RNF13: variants seen among roughly 807,000 people sequenced by gnomAD.
RNF13 encodes the protein ring finger protein 13, also known as E3 ubiquitin-protein ligase RNF13.
In RNF13, 19 loss-of-function variants were observed where a neutral mutation model predicts 37.7. That is an observed-to-expected ratio of 0.50 (90% confidence interval 0.35 to 0.74). RNF13 has a LOEUF of 0.74. RNF13 is among the 30% of genes least tolerant of loss of function. RNF13 has a pLI of 0.01. For missense variants in RNF13, 375 were observed against 453.0 expected (o/e 0.83, Z 1.56); for synonymous variants, 144 against 157.8 (o/e 0.91, Z 0.65).
At chr3:149,858,463 G>A (rs776883897) in intron 3 of RNF13, among the ~76,000 whole-genome samples, 2 of 152,146 alleles carry the variant, frequency 1.3e-5, no homozygotes, top group South Asian at 4.1e-4. Context: ...GATAATGATT[G>A]TTAAAAAATT....
chr3:149,941,652 ACT>A (rs1431608923), intron 8 of RNF13, among the ~76,000 whole-genome samples: 2 of 149,256 alleles, frequency 1.3e-5, no homozygotes, highest in East Asian at 2.0e-4. Flanking sequence ...CTGCCCCTTC[ACT>A]CTGTCGATCA....
chr3:149,912,524 A>T (rs1324425596), intron 7 of RNF13, among the ~76,000 whole-genome samples: 2 of 152,170 alleles, frequency 1.3e-5, no homozygotes, highest in Non-Finnish European at 2.9e-5. Flanking sequence ...AAGTACACTG[A>T]TATCTGCAAC....
intron 7 of RNF13, among the ~76,000 whole-genome samples, chr3:149,920,737 A>G (rs35137081): frequency 6.8e-6 from 1 of 146,376 alleles, no homozygotes; most frequent in African/African-American, 2.5e-5. Flanking sequence ...TAATAAGTGT[A>G]TGTTTGAAAT....
intron 1 of RNF13, among the ~76,000 whole-genome samples, chr3:149,836,080 A>T (rs560261309): frequency 3.3e-5 from 5 of 152,288 alleles, no homozygotes; most frequent in African/African-American, 1.2e-4. Flanking sequence ...GATAATGGCC[A>T]TTCTTGCAGG....
At chr3:149,840,791 G>A (rs1722104651) in intron 1 of RNF13, among the ~76,000 whole-genome samples, 2 of 152,204 alleles carry the variant, frequency 1.3e-5, no homozygotes, top group Non-Finnish European at 2.9e-5. Context: ...GTAGGAGGTA[G>A]GAGGATAGAG....
chr3:149,948,027 G>C (rs1249041780), intron 8 of RNF13, among the ~76,000 whole-genome samples: 2 of 152,120 alleles, frequency 1.3e-5, no homozygotes, highest in Non-Finnish European at 2.9e-5. Flanking sequence ...TCGGCTCACT[G>C]TAACCTCCAC....
At chr3:149,864,170 G>A (rs1306006549) in intron 3 of RNF13, among the ~76,000 whole-genome samples, 4 of 151,980 alleles carry the variant, frequency 2.6e-5, no homozygotes, top group Non-Finnish European at 4.4e-5. Flanking sequence ...GGTCAGGGAA[G>A]TGGATCCCTC....
intron 8 of RNF13, among the ~76,000 whole-genome samples, chr3:149,935,260 G>A (rs1719561385): frequency 6.6e-6 from 1 of 151,932 alleles, no homozygotes; most frequent in Admixed American, 6.5e-5. Context: ...TTCAGTCTAT[G>A]TGTCTTTATA....
chr3:149,951,545 T>G (rs16862311), intron 8 of RNF13, among the ~76,000 whole-genome samples: 1,963 of 152,350 alleles, frequency 0.013, 34 homozygotes, highest in African/African-American at 0.044. Context: ...ATCATTTGCC[T>G]GTAGCTGTAT....
Position 149,961,142 on chromosome 3 carries a change from A to G in RNF13, c.*38A>G, listed in dbSNP as rs371152987. The G allele has an allele frequency of 2.3e-5, 36 of 1,535,554 alleles. No individual in the cohort carries two copies. The African/African-American group carries it at 4.4e-4, about 19-fold the overall frequency. On this transcript the variant is annotated 3_prime_UTR_variant, in exon 10 of 10. Transcript: ENST00000392894. ...GATTGGTTTATTTCCCTTTAAAATG[A>G]TTAGGTATATACTGTAATTTGATTT... is the stretch of plus-strand genomic sequence containing the variant.
intron 1 of RNF13, among the ~76,000 whole-genome samples, chr3:149,821,881 G>A (rs780849265): frequency 1.3e-5 from 2 of 151,956 alleles, no homozygotes; most frequent in Non-Finnish European, 2.9e-5. Flanking sequence ...TAGTTGTCCC[G>A]GCACCACTTG....
intron 1 of RNF13, among the ~76,000 whole-genome samples, chr3:149,827,048 A>G (rs542482194): frequency 9.7e-4 from 147 of 152,276 alleles, no homozygotes; most frequent in Non-Finnish European, 1.8e-3. Flanking sequence ...ATTAGCCACC[A>G]TGCCTAGCCA....
chr3:149,902,367 C>T (rs1371399865), intron 6 of RNF13, among the ~76,000 whole-genome samples: 4 of 151,964 alleles, frequency 2.6e-5, no homozygotes, highest in Non-Finnish European at 4.4e-5. Flanking sequence ...AAAATATATT[C>T]ATGCTAGTGA....
chr3:149,854,829 G>C (rs1723485750), intron 3 of RNF13, among the ~76,000 whole-genome samples: 1 of 152,172 alleles, frequency 6.6e-6, no homozygotes, highest in African/African-American at 2.4e-5. Flanking sequence ...GGATTTTTCT[G>C]AGTGATAGAC....
chr3:149,892,831 G>T (rs1237490129), intron 4 of RNF13, among the ~76,000 whole-genome samples: 1 of 151,942 alleles, frequency 6.6e-6, no homozygotes, highest in Non-Finnish European at 1.5e-5. Flanking sequence ...GGACCCCTGG[G>T]GTATGACATG....
chr3:149,825,612 A>G (rs761481766), intron 1 of RNF13, among the ~76,000 whole-genome samples: 15 of 152,216 alleles, frequency 9.9e-5, no homozygotes, highest in Non-Finnish European at 1.9e-4. Flanking sequence ...GGTCTGGTCA[A>G]CCCAGTGAGA....
At chr3:149,832,751 C>G (rs1258458212) in intron 1 of RNF13, among the ~76,000 whole-genome samples, 1 of 152,134 alleles carries the variant, frequency 6.6e-6, no homozygotes, top group Non-Finnish European at 1.5e-5. Flanking sequence ...GTACTATAAA[C>G]AATTTTATGC....
At chr3:149,856,850 C>T (rs1723703633) in intron 3 of RNF13, among the ~76,000 whole-genome samples, 1 of 152,194 alleles carries the variant, frequency 6.6e-6, no homozygotes, top group South Asian at 2.1e-4. Context: ...TGGGTTCACG[C>T]CATTCTCCTG....
chr3:149,931,811 G>T (rs1425964296), intron 8 of RNF13, among the ~76,000 whole-genome samples: 2 of 152,110 alleles, frequency 1.3e-5, no homozygotes, highest in East Asian at 3.8e-4. Flanking sequence ...AACTGTTTTT[G>T]TAGCCAGTAG....
Sources: gnomAD v4.1 joint callset for allele counts (sites outside exome capture counted in the v4.1 genomes callset) on GRCh38, gnomAD v4.1.1 for gene constraint, MANE v1.5 for transcripts, NCBI Gene and HGNC (gene_info 2026-07-23, HGNC 2026-07-21) for gene names.